Variants in HNRNPC observed in about 807,000 individuals in gnomAD.
HNRNPC encodes the protein heterogeneous nuclear ribonucleoprotein C, also known as heterogeneous nuclear ribonucleoproteins C1/C2.
Under a neutral mutation model 33.2 loss-of-function variants are expected in HNRNPC, and 3 were observed. That is an observed-to-expected ratio of 0.09 (90% CI 0.04 to 0.23). The LOEUF (loss-of-function observed/expected upper bound fraction) is 0.23, where lower values mean the gene tolerates loss of function less well. Among genes scored for constraint, HNRNPC ranks in the 10% least tolerant of loss-of-function variants. HNRNPC has a pLI of 1.00. For synonymous variants in HNRNPC, 121 were observed against 126.7 expected (o/e 0.96, Z 0.30); for missense variants, 143 against 366.7 (o/e 0.39, Z 4.98).
chr14:21,223,542 AGTT>A (rs1388007736), intron 5 of HNRNPC, among the ~76,000 whole-genome samples: 2 of 152,122 alleles, frequency 1.3e-5, no homozygotes, highest in East Asian at 3.8e-4. Context: ...TGAGCTCAGG[AGTT>A]CAAGATGAGC....
intron 1 of HNRNPC, among the ~76,000 whole-genome samples, chr14:21,267,118 A>C (rs865980525): frequency 0.01 from 1,230 of 122,998 alleles, 21 homozygotes; most frequent in Middle Eastern, 0.024. Flanking sequence ...AAAAAAAAAA[A>C]AAAAAAAAAC....
At chr14:21,224,882 G>C (rs1157627991) in intron 5 of HNRNPC, among the ~76,000 whole-genome samples, 1 of 152,092 alleles carries the variant, frequency 6.6e-6, no homozygotes, top group Non-Finnish European at 1.5e-5. Context: ...TAGCCATGGA[G>C]TAATAACAGC....
chr14:21,262,699 C>T (rs966592717), intron 2 of HNRNPC: 1 of 152,168 alleles, frequency 6.6e-6, no homozygotes, highest in Non-Finnish European at 1.5e-5. Flanking sequence ...GTTGCTGCAG[C>T]TTGTGGTTTG....
At chr14:21,249,263 C>A (rs530159620) in intron 2 of HNRNPC, among the ~76,000 whole-genome samples, 1 of 152,108 alleles carries the variant, frequency 6.6e-6, no homozygotes, top group African/African-American at 2.4e-5. Flanking sequence ...AAGAGCAATT[C>A]AGAACTAAAC....
At chr14:21,253,809 T>TA (rs761092758) in intron 2 of HNRNPC, among the ~76,000 whole-genome samples, 1 of 152,114 alleles carries the variant, frequency 6.6e-6, no homozygotes, top group South Asian at 2.1e-4. Context: ...CTCAGGCCTG[T>TA]AATCCCAGCA....
chr14:21,260,092 T>C (rs567810203), intron 2 of HNRNPC, among the ~76,000 whole-genome samples: 11 of 105,990 alleles, frequency 1.0e-4, no homozygotes, highest in East Asian at 2.3e-4. Flanking sequence ...CCCAGCTACT[T>C]GGGAGGCTGA....
chr14:21,218,016 G>A (rs948195682), intron 5 of HNRNPC, among the ~76,000 whole-genome samples: 10 of 152,024 alleles, frequency 6.6e-5, no homozygotes, highest in African/African-American at 2.4e-4. Context: ...AAACTTGACT[G>A]GATTCAAGAC....
rs575636598 is a variant in HNRNPC at position 21,219,189 on chromosome 14, A to T, written c.366-6072T>A. On this transcript the variant is annotated intron_variant, in intron 5 of 8. Coordinates refer to ENST00000553300, the MANE Select transcript of HNRNPC (RefSeq NM_004500.4). The stretch of plus-strand genomic sequence containing the variant: ...AATTCTCATTTTATCAACATAGAAG[A>T]GTAAGAAGTTCTTTCACTTACAATA... Among the ~76,000 whole-genome samples the T allele has an allele frequency of 3.9e-5, 6 of 152,280 alleles. No homozygotes were observed. The South Asian group carries it at 1.2e-3, about 32-fold the overall frequency.
intron 2 of HNRNPC, among the ~76,000 whole-genome samples, chr14:21,260,369 TAAAAA>T (rs11345053): frequency 1.6e-5 from 2 of 122,214 alleles, no homozygotes; most frequent in East Asian, 2.4e-4. Context: ...CCGTCTTATT[TAAAAA>T]AAAAAAAAAA....
In HNRNPC at chr14:21,234,164, A is replaced by G. The variant is rs1450403583; in HGVS notation, c.30T>C (p.Asp10=). 1 of 1,614,136 alleles carries G rather than the reference A, an allele frequency of 6.2e-7. No individual in the cohort carries two copies. Among genetic ancestry groups the G allele is most frequent in the Middle Eastern group, 1.6e-4 (1 of 6,062 alleles). ...ATACACGGGAGTTCATGGAGCGAGG[A>G]TCTGTCTTGTTGGTAACGTTGCTGG... The part of the protein sequence containing the change: MASNVTNKT[D]PRSMNSRVFI... Residue 10 remains aspartate (D), a synonymous_variant, in exon 3 of 9, where the codon GAT becomes GAC. Coordinates refer to ENST00000553300, the MANE Select transcript of HNRNPC (RefSeq NM_004500.4).
At chr14:21,222,085 A>G (rs1377320652) in intron 5 of HNRNPC, among the ~76,000 whole-genome samples, 2 of 151,630 alleles carry the variant, frequency 1.3e-5, no homozygotes, top group Admixed American at 1.3e-4. Context: ...ACACATGAAA[A>G]GACATTCAAT....
At chr14:21,267,559 G>GTTCT (rs1445615596) in intron 1 of HNRNPC, among the ~76,000 whole-genome samples, 2 of 151,976 alleles carry the variant, frequency 1.3e-5, no homozygotes, top group African/African-American at 4.8e-5. Context: ...GAAAAAAAAG[G>GTTCT]TCAGAAAACC....
chr14:21,260,454 TAA>T (rs1185302959), intron 2 of HNRNPC, among the ~76,000 whole-genome samples: 1 of 149,482 alleles, frequency 6.7e-6, no homozygotes, highest in Non-Finnish European at 1.5e-5. Context: ...ATAAAAATAA[TAA>T]AAAAAGGATT....
intron 5 of HNRNPC, among the ~76,000 whole-genome samples, chr14:21,220,915 C>T (rs1054457337): frequency 1.3e-5 from 2 of 151,812 alleles, no homozygotes; most frequent in Non-Finnish European, 2.9e-5. Flanking sequence ...GGTGAAACCC[C>T]GTCTCTACTA....
rs1381368421 is a variant in HNRNPC at position 21,210,290 on chromosome 14, G to A, written c.*933C>T. 6.6e-6 allele frequency: 1 copy of A among 152,178 alleles called. No homozygotes were observed. Among genetic ancestry groups the A allele is most frequent in the Non-Finnish European group, 1.5e-5 (1 of 68,032 alleles). The allele number at this position is 152,178 out of a possible 1,614,324, so 9.4% of individuals were successfully genotyped here. A position where few individuals can be genotyped will look rare whatever the true frequency, so the allele number is the denominator to read the frequency against. ...TGGACCACAAAGCACTGATGAAAAG[G>A]CAGAGAGGATATACTTCCCAAACTT... On this transcript the variant is annotated 3_prime_UTR_variant, in exon 9 of 9. Coordinates refer to ENST00000553300, the MANE Select transcript of HNRNPC (RefSeq NM_004500.4).
At chr14:21,248,704 A>C (rs1184470057) in intron 2 of HNRNPC, among the ~76,000 whole-genome samples, 2 of 152,236 alleles carry the variant, frequency 1.3e-5, no homozygotes, top group African/African-American at 4.8e-5. Flanking sequence ...TCCACCTACC[A>C]AACAAGCAAA....
chr14:21,251,775 A>G lies in HNRNPC; in HGVS notation c.-37+11536T>C, dbSNP rs534592806. ...GCATCTGGGAGAGCACAGTTACCAC[A>G]TCAAATATTTCTGCAGGAATACATA... On this transcript the variant is annotated intron_variant, in intron 2 of 8. Coordinates refer to ENST00000553300, the MANE Select transcript of HNRNPC (RefSeq NM_004500.4). Among the ~76,000 whole-genome samples, 10 of 152,334 alleles carry G rather than the reference A, an allele frequency of 6.6e-5. No homozygotes were observed. In the East Asian group the frequency reaches 1.2e-3, roughly 18 times the overall value.
intron 2 of HNRNPC, among the ~76,000 whole-genome samples, chr14:21,241,686 A>G (rs1057051604): frequency 6.6e-6 from 1 of 152,158 alleles, no homozygotes; most frequent in Non-Finnish European, 1.5e-5. Context: ...GCTTTCAACT[A>G]CTTCCCTCTG....
At chr14:21,244,031 GTTTT>G (rs201972334) in intron 2 of HNRNPC, among the ~76,000 whole-genome samples, 2 of 146,388 alleles carry the variant, frequency 1.4e-5, no homozygotes, top group Admixed American at 6.9e-5. Flanking sequence ...TTTCCTCCAA[GTTTT>G]TTTTTTTTTT....
Sources: gnomAD v4.1 joint callset for allele counts (sites outside exome capture counted in the v4.1 genomes callset) on GRCh38, gnomAD v4.1.1 for gene constraint, MANE v1.5 for transcripts, NCBI Gene and HGNC (gene_info 2026-07-23, HGNC 2026-07-21) for gene names.